The following PDE1A variants were observed in gnomAD, a reference collection of about 807,000 sequenced individuals.
PDE1A encodes dual specificity calcium/calmodulin-dependent 3',5'-cyclic nucleotide phosphodiesterase 1A.
A neutral mutation model predicts 61.7 loss-of-function variants in PDE1A; 35 were observed. That is an observed-to-expected ratio of 0.57 (90% CI 0.43 to 0.75). The LOEUF is 0.75. PDE1A is among the 30% of genes least tolerant of loss of function. The pLI, the probability that PDE1A is intolerant of heterozygous loss-of-function variation, is 0.00. For synonymous variants in PDE1A, 232 were observed against 213.2 expected (o/e 1.09, Z -0.77); for missense variants, 597 against 630.6 (o/e 0.95, Z 0.57).
the PDE1A span, among the ~76,000 whole-genome samples, chr2:182,683,410 G>A: frequency 1.3e-5 from 2 of 151,796 alleles, no homozygotes; most frequent in Admixed American, 6.6e-5. Context: ...GTATAATAGC[G>A]GAACTGACTA....
At chr2:182,307,895 T>C (rs1227638809) in intron 1 of PDE1A, among the ~76,000 whole-genome samples, 1 of 152,038 alleles carries the variant, frequency 6.6e-6, no homozygotes, top group African/African-American at 2.4e-5. Flanking sequence ...AGATGAAAGA[T>C]GACAAGTTGT....
At chr2:182,586,070 C>T in the PDE1A span, among the ~76,000 whole-genome samples, 10 of 152,018 alleles carry the variant, frequency 6.6e-5, no homozygotes, top group Non-Finnish European at 1.5e-4. Context: ...TTCGCATTTC[C>T]CATATTAGAA....
At chr2:182,543,456 T>C in the PDE1A span, among the ~76,000 whole-genome samples, 1 of 152,184 alleles carries the variant, frequency 6.6e-6, no homozygotes, top group Non-Finnish European at 1.5e-5. Context: ...TGAGATTTGT[T>C]TGGGTAGTCC....
intron 2 of PDE1A, among the ~76,000 whole-genome samples, chr2:182,516,664 G>C (rs1041378561): frequency 1.4e-5 from 2 of 146,112 alleles, no homozygotes; most frequent in Admixed American, 7.1e-5. Flanking sequence ...GAGAAAGAGA[G>C]AAAGAAGGGA....
At chr2:182,507,236 G>C (rs1689470423) in intron 2 of PDE1A, among the ~76,000 whole-genome samples, 2 of 152,124 alleles carry the variant, frequency 1.3e-5, no homozygotes, top group Admixed American at 1.3e-4. Flanking sequence ...AGACTTATGT[G>C]AAAAATTCAG....
At chr2:182,677,570 A>G in the PDE1A span, among the ~76,000 whole-genome samples, 1 of 152,212 alleles carries the variant, frequency 6.6e-6, no homozygotes, top group Non-Finnish European at 1.5e-5. Flanking sequence ...ATGGAACCAA[A>G]AAAGAACCGG....
chr2:182,596,392 C>T, the PDE1A span, among the ~76,000 whole-genome samples: 1 of 152,166 alleles, frequency 6.6e-6, no homozygotes, highest in Non-Finnish European at 1.5e-5. Context: ...GACATACCTT[C>T]CCCCAGGGAG....
At chr2:182,671,392 A>G in the PDE1A span, among the ~76,000 whole-genome samples, 37 of 121,198 alleles carry the variant, frequency 3.1e-4, no homozygotes, top group East Asian at 8.6e-3. Flanking sequence ...GTTTCGCCGC[A>G]TTAGCTAGGA....
At chr2:182,239,817 ATTG>A (rs1338626033) in intron 3 of PDE1A, among the ~76,000 whole-genome samples, 1 of 152,238 alleles carries the variant, frequency 6.6e-6, no homozygotes, top group Non-Finnish European at 1.5e-5. Flanking sequence ...ATGTGTCAGA[ATTG>A]TTTTTAAACA....
the PDE1A span, among the ~76,000 whole-genome samples, chr2:182,661,733 C>T: frequency 2.6e-5 from 4 of 151,972 alleles, no homozygotes; most frequent in Non-Finnish European, 5.9e-5. Flanking sequence ...ATGTAATGTA[C>T]CAAATATATT....
intron 2 of PDE1A, among the ~76,000 whole-genome samples, chr2:182,517,854 C>T (rs2125982047): frequency 6.6e-6 from 1 of 152,280 alleles, no homozygotes; most frequent in East Asian, 1.9e-4. Flanking sequence ...TCACTGCAAC[C>T]ACCAGAAACT....
At chr2:182,560,732 C>T in the PDE1A span, among the ~76,000 whole-genome samples, 1 of 151,964 alleles carries the variant, frequency 6.6e-6, no homozygotes, top group South Asian at 2.1e-4. Flanking sequence ...TCTGTTGTTT[C>T]CTGACTTTTT....
Position 182,231,224 on chromosome 2 carries a change from T to A in PDE1A, c.418-93A>T, listed in dbSNP as rs1030021907. The A allele has an allele frequency of 1.8e-5, 13 of 712,856 alleles. 1 individual carries two copies. The Admixed American group carries it at 2.8e-4, about 15-fold the overall frequency. The allele number at this position is 712,856 out of a possible 1,614,324, so 44.2% of individuals were successfully genotyped here. A position where few individuals can be genotyped will look rare whatever the true frequency, so the allele number is the denominator to read the frequency against. On this transcript the variant is annotated intron_variant, in intron 4 of 13. Coordinates refer to ENST00000351439, the Ensembl canonical transcript of PDE1A. The stretch of plus-strand genomic sequence containing the variant: ...GATAAGGCATTGTACATTTAGCAGG[T>A]CATCTTTCAATTTAGCATGTCAAAC...
At chr2:182,711,395 T>A in the PDE1A span, among the ~76,000 whole-genome samples, 1 of 152,134 alleles carries the variant, frequency 6.6e-6, no homozygotes, top group Non-Finnish European at 1.5e-5. Context: ...ATCTGACACC[T>A]GTGATATTAC....
chr2:182,263,491 C>T (rs945471257), intron 2 of PDE1A, among the ~76,000 whole-genome samples: 6 of 152,136 alleles, frequency 3.9e-5, no homozygotes, highest in East Asian at 1.9e-4. Context: ...CTCTATTCTA[C>T]CTGCTTTATG....
intron 1 of PDE1A, among the ~76,000 whole-genome samples, chr2:182,388,858 G>A (rs964047935): frequency 5.3e-5 from 8 of 152,010 alleles, no homozygotes; most frequent in Non-Finnish European, 8.8e-5. Context: ...ACAAAATTAA[G>A]AGTTGATTTC....
intron 1 of PDE1A, among the ~76,000 whole-genome samples, chr2:182,421,619 A>G (rs905294132): frequency 6.6e-6 from 1 of 152,192 alleles, no homozygotes; most frequent in African/African-American, 2.4e-5. Flanking sequence ...CTGGCATTAA[A>G]TTTACCTCCT....
intron 1 of PDE1A, among the ~76,000 whole-genome samples, chr2:182,312,843 C>A (rs1696079420): frequency 6.9e-6 from 1 of 144,978 alleles, no homozygotes; most frequent in Non-Finnish European, 1.5e-5. Context: ...AAAAAAAAAA[C>A]CTGCTGGGAT....
the PDE1A span, among the ~76,000 whole-genome samples, chr2:182,698,564 T>G: frequency 5.3e-5 from 8 of 152,328 alleles, no homozygotes; most frequent in African/African-American, 1.9e-4. Context: ...TGGAAAATAT[T>G]TGTTATGATT....
Sources: gnomAD v4.1 joint callset for allele counts (sites outside exome capture counted in the v4.1 genomes callset) on GRCh38, gnomAD v4.1.1 for gene constraint, MANE v1.5 for transcripts, NCBI Gene and HGNC (gene_info 2026-07-23, HGNC 2026-07-21) for gene names.